FGFR2: variants seen among roughly 807,000 people sequenced by gnomAD.
FGFR2 encodes the protein fibroblast growth factor receptor 2.
In FGFR2, 19 loss-of-function variants were observed where a neutral mutation model predicts 95.9. That is an observed-to-expected ratio of 0.20 (90% CI 0.14 to 0.29). The LOEUF (loss-of-function observed/expected upper bound fraction) is 0.29. FGFR2 is among the 10% of genes least tolerant of loss of function. FGFR2 has a pLI of 1.00. For missense variants in FGFR2, 707 were observed against 1,056.9 expected (o/e 0.67, Z 4.59); for synonymous variants, 392 against 393.3 (o/e 1.00, Z 0.04).
At chr10:121,536,252 G>C (rs1852802299) in intron 6 of FGFR2, among the ~76,000 whole-genome samples, 1 of 152,162 alleles carries the variant, frequency 6.6e-6, no homozygotes, top group African/African-American at 2.4e-5. Flanking sequence ...GCAATTACTA[G>C]GGTTTTGAGC....
At chr10:121,526,937 TTGCAGAGAGAGTGAAGTC>T in intron 6 of FGFR2, 1 of 394,068 alleles carries the variant, frequency 2.5e-6, no homozygotes, top group Non-Finnish European at 4.5e-6. Context: ...ACACGTCTCT[TTGCAGAGAGAGTGAAGTC>T]TGCGGAACAA....
intron 2 of FGFR2, among the ~76,000 whole-genome samples, chr10:121,590,149 A>C (rs566939904): frequency 6.6e-6 from 1 of 152,110 alleles, no homozygotes; most frequent in Admixed American, 6.5e-5. Context: ...TGCTACACAA[A>C]CTACATTTTT....
chr10:121,493,801 G>A (rs962134614), intron 13 of FGFR2, among the ~76,000 whole-genome samples: 2 of 151,978 alleles, frequency 1.3e-5, no homozygotes, highest in African/African-American at 4.8e-5. Context: ...ACTCAGATAC[G>A]CTCAAGACGA....
chr10:121,528,336 AC>A, intron 6 of FGFR2, among the ~76,000 whole-genome samples: 1 of 152,314 alleles, frequency 6.6e-6, no homozygotes, highest in East Asian at 1.9e-4. Context: ...AAAGATCTGC[AC>A]AACAATCATA....
intron 16 of FGFR2, among the ~76,000 whole-genome samples, chr10:121,484,180 G>GC (rs568746803): frequency 1.3e-5 from 2 of 152,038 alleles, no homozygotes; most frequent in African/African-American, 4.8e-5. Context: ...CTGACACCCT[G>GC]CCCAGCACCA....
intron 17 of FGFR2, among the ~76,000 whole-genome samples, chr10:121,482,938 A>T (rs1844945559): frequency 6.6e-6 from 1 of 152,194 alleles, no homozygotes; most frequent in Non-Finnish European, 1.5e-5. Flanking sequence ...CTGGGATTAC[A>T]GGCACATACC....
At chr10:121,493,957 A>T (rs148882663) in intron 13 of FGFR2, among the ~76,000 whole-genome samples, 2 of 151,528 alleles carry the variant, frequency 1.3e-5, no homozygotes, top group African/African-American at 4.8e-5. Context: ...CCTCCTATCT[A>T]ATCAATCCAT....
At chr10:121,526,763 G>A (rs558508718) in intron 6 of FGFR2, 3 of 398,662 alleles carry the variant, frequency 7.5e-6, no homozygotes, top group East Asian at 7.1e-5. Context: ...TTCTGTGGAA[G>A]GTCACTGGTT....
intron 2 of FGFR2, among the ~76,000 whole-genome samples, chr10:121,581,434 C>T (rs888599138): frequency 2.0e-5 from 3 of 151,996 alleles, no homozygotes; most frequent in Non-Finnish European, 4.4e-5. Flanking sequence ...AGGTGGGTGC[C>T]ACCTCCTTAA....
intron 4 of FGFR2, among the ~76,000 whole-genome samples, chr10:121,554,694 T>C (rs1478477596): frequency 1.3e-5 from 2 of 152,038 alleles, no homozygotes; most frequent in Admixed American, 6.6e-5. Context: ...AATTTTACAA[T>C]AGCTCTTCCT....
Position 121,497,930 on chromosome 10 carries a change from C to T in FGFR2, c.1672+565G>A, listed in dbSNP as rs41293749. 6.0e-3 allele frequency among the ~76,000 whole-genome samples: 918 copies of T among 152,298 alleles called. 6 individuals are homozygous for T. Among genetic ancestry groups the T allele is most frequent in the African/African-American group, 0.019 (806 of 41,560 alleles). ...GAGAAATTGCTAAGTCAAAGATAGG[C>T]GTTTTCAAGTTTACTAATTACTTAG... On this transcript the variant is annotated intron_variant, in intron 12 of 17. Transcript: ENST00000358487.
rs865823472 is a variant in FGFR2, at chr10:121,531,254, C to T, written c.748+7338G>A. On this transcript the variant is annotated intron_variant, in intron 6 of 17. Coordinates refer to ENST00000358487, the MANE Select transcript of FGFR2 (RefSeq NM_000141.5). This position sits in a 1 kb window ranked among gnomAD's most constrained non-coding sequence, Gnocchi z 4.5. The stretch of plus-strand genomic sequence containing the variant: ...GCTCCCACCCCAGGGAGCTGGCACC[C>T]GCAGAATACCACCTGCTCCCAAAGG... 2 of 152,248 alleles carry T rather than the reference C, an allele frequency of 1.3e-5. No individual in the cohort carries two copies. Among genetic ancestry groups the T allele is most frequent in the Non-Finnish European group, 2.9e-5 (2 of 68,028 alleles). The allele number at this position is 152,248 out of a possible 1,614,324, so 9.4% of individuals were successfully genotyped here. A position where few individuals can be genotyped will look rare whatever the true frequency, so the allele number is the denominator to read the frequency against.
rs541602339 is a variant in FGFR2, at chr10:121,482,281, C to T, written c.2301+1417G>A. ...GCAGAAGAAGAAAGTTGGTTTCTTC[C>T]CCCCCTTGAACCGTTCCTTTCCTTT... On this transcript the variant is annotated intron_variant, in intron 17 of 17. Transcript: ENST00000358487. 7.7e-4 allele frequency: 765 copies of T among 987,256 alleles called. 4 individuals are homozygous for T. The African/African-American group carries it at 0.011, about 14-fold the overall frequency. The allele number at this position is 987,256 out of a possible 1,614,324, so 61.2% of individuals were successfully genotyped here. A position where few individuals can be genotyped will look rare whatever the true frequency, so the allele number is the denominator to read the frequency against.
At chr10:121,570,952 C>T (rs1858566893) in intron 2 of FGFR2, among the ~76,000 whole-genome samples, 1 of 152,168 alleles carries the variant, frequency 6.6e-6, no homozygotes, top group South Asian at 2.1e-4. Context: ...GTTTCAAATA[C>T]TTGGGAAGTA....
In FGFR2 at chr10:121,487,380, A is replaced by G; in HGVS notation, c.2031T>C (p.Asp677=). The G allele has an allele frequency of 6.2e-7, 1 of 1,614,208 alleles. No individual in the cohort carries two copies. Among genetic ancestry groups the G allele is most frequent in the Non-Finnish European group, 8.5e-7 (1 of 1,180,006 alleles). Residue 677 remains aspartate (D), a synonymous_variant, in exon 15 of 18, where the codon GAT becomes GAC. Transcript: ENST00000358487. ...CATCACTCTGATGAGTGTATACTCT[A>G]TCAAACAGGGCTTCTGGAGCCATCC... ...VKWMAPEALF[D]RVYTHQSDVW...
intron 2 of FGFR2, among the ~76,000 whole-genome samples, chr10:121,581,575 CA>C (rs67205229): frequency 0.56 from 68,061 of 121,852 alleles, 18,154 homozygotes; most frequent in African/African-American, 0.72. Flanking sequence ...CCATCTCTAC[CA>C]AAAAAAAAAA....
At chr10:121,509,498 TTTTTTTTTTTTG>T in intron 9 of FGFR2, among the ~76,000 whole-genome samples, 1 of 114,960 alleles carries the variant, frequency 8.7e-6, no homozygotes, top group Non-Finnish European at 1.8e-5. Flanking sequence ...TTTTTTTTTT[TTTTTTTTTTTTG>T]GTTTGAGACA....
chr10:121,515,405 G>T, intron 8 of FGFR2, 86 bp from the exon 9 acceptor site: 1 of 1,362,716 alleles, frequency 7.3e-7, no homozygotes, highest in Non-Finnish European at 1.0e-6. Flanking sequence ...ACAACCAAAG[G>T]AACCAAAAGG....
chr10:121,580,360 CCATTTGCAAA>C lies in FGFR2; in HGVS notation c.109+13339_109+13348del, dbSNP rs1224573825. Among the ~76,000 whole-genome samples, 5 of 152,160 alleles carry C rather than the reference CCATTTGCAAA, an allele frequency of 3.3e-5. No homozygotes were observed. In the East Asian group the frequency reaches 7.7e-4, roughly 23 times the overall value. ...CCTGATCCCCTCAGCAGCATCCCAG[CCATTTGCAAA>C]TGAAGCAGCAGCAGCTGGAGACTGG... On this transcript the variant is annotated intron_variant, in intron 2 of 17. Coordinates refer to ENST00000358487, the MANE Select transcript of FGFR2 (RefSeq NM_000141.5).
Sources: gnomAD v4.1 joint callset for allele counts (sites outside exome capture counted in the v4.1 genomes callset) on GRCh38, gnomAD v4.1.1 for gene constraint, Gnocchi (gnomAD v3.1) non-coding constraint, MANE v1.5 for transcripts, NCBI Gene and HGNC (gene_info 2026-07-23, HGNC 2026-07-21) for gene names.